PDE3A: variants seen among roughly 807,000 people sequenced by gnomAD.
PDE3A encodes cGMP-inhibited 3',5'-cyclic phosphodiesterase 3A.
In PDE3A, 43 loss-of-function variants were observed where a neutral mutation model predicts 98.3. The observed-to-expected ratio is 0.44, with a 90% CI of 0.34 to 0.56. PDE3A has a LOEUF of 0.56. Ranked by LOEUF, PDE3A falls within the 20% of genes least tolerant of loss-of-function variation. The pLI, the probability that PDE3A is intolerant of heterozygous loss-of-function variation, is 0.01. For missense variants in PDE3A, 1,427 were observed against 1,440.7 expected (o/e 0.99, Z 0.15); for synonymous variants, 663 against 567.9 (o/e 1.17, Z -2.38).
At chr12:20,560,159 G>A (rs1056337918) in intron 2 of PDE3A, among the ~76,000 whole-genome samples, 22 of 152,152 alleles carry the variant, frequency 1.4e-4, no homozygotes, top group African/African-American at 4.8e-4. Context: ...CATACTCGAG[G>A]CCTGATTAGA....
At chr12:20,370,288 C>T in intron 1 of PDE3A, 44 bp downstream of exon 1, 2 of 1,478,390 alleles carry the variant, frequency 1.4e-6, no homozygotes, top group Non-Finnish European at 1.8e-6. Flanking sequence ...AAACTTGAAA[C>T]ACTTGGCAAC....
intron 15 of PDE3A, among the ~76,000 whole-genome samples, chr12:20,668,619 C>A (rs1945386924): frequency 6.6e-6 from 1 of 152,246 alleles, no homozygotes; most frequent in Admixed American, 6.5e-5. Flanking sequence ...GGTACTCCAA[C>A]AGACCTGCAG....
chr12:20,383,012 T>C (rs912654652), intron 1 of PDE3A, among the ~76,000 whole-genome samples: 1 of 151,900 alleles, frequency 6.6e-6, no homozygotes, highest in African/African-American at 2.4e-5. Context: ...AAATGAGGCA[T>C]CCTAGGAGCC....
intron 1 of PDE3A, among the ~76,000 whole-genome samples, chr12:20,474,888 T>C (rs1362119138): frequency 2.0e-5 from 3 of 152,180 alleles, no homozygotes; most frequent in African/African-American, 7.2e-5. Context: ...AAAATAACTT[T>C]GACAGGTTCA....
chr12:20,513,656 T>A (rs557200889), intron 1 of PDE3A, among the ~76,000 whole-genome samples: 20 of 152,326 alleles, frequency 1.3e-4, no homozygotes, highest in African/African-American at 4.6e-4. Context: ...CAGATTTTTT[T>A]ATGACCTTTT....
chr12:20,369,234 C>T lies in PDE3A; in HGVS notation c.-51C>T. On this transcript the variant is annotated 5_prime_UTR_variant, in exon 1 of 16. Transcript: ENST00000359062. ...GTGCGCGCGCGCGCGTGGGTCGGGG[C>T]GGGGGCGTCGGGGGGCCACTGGGAA... 1.5e-6 allele frequency: 2 copies of T among 1,308,792 alleles called. No homozygotes were observed. The highest frequency in any genetic ancestry group is 2.1e-6 in the Non-Finnish European group (2 of 971,184). 81.1% of individuals were successfully genotyped at this position (1,308,792 alleles called of 1,614,324 possible).
intron 1 of PDE3A, among the ~76,000 whole-genome samples, chr12:20,554,826 GT>G (rs1942325533): frequency 6.6e-6 from 1 of 151,764 alleles, no homozygotes. Flanking sequence ...TTTTTCATTA[GT>G]TGAATAATTC....
At chr12:20,405,883 C>T (rs1282277469) in intron 1 of PDE3A, among the ~76,000 whole-genome samples, 2 of 152,116 alleles carry the variant, frequency 1.3e-5, no homozygotes, top group African/African-American at 4.8e-5. Flanking sequence ...CCAACATCTC[C>T]CTATTCCCTC....
At position 20,687,916 on chromosome 12, in the gene PDE3A, A is replaced by AAAAAAAAAAAAAAAAC. The variant is rs1380255072; in HGVS notation, c.*7660_*7661insCAAAAAAAAAAAAAAA. Among the ~76,000 whole-genome samples the AAAAAAAAAAAAAAAAC allele has an allele frequency of 1.1e-5, 1 of 91,810 alleles. No homozygotes were observed. The highest frequency in any genetic ancestry group is 4.0e-5 in the African/African-American group (1 of 25,316). The allele number at this position is 91,810 out of a possible 152,430, so 60.2% of individuals were successfully genotyped here. A position where few individuals can be genotyped will look rare whatever the true frequency, so the allele number is the denominator to read the frequency against. ...CCAGTCATTACCTCTTCCCAACAGA[A>AAAAAAAAAAAAAAAAC]AAAAAAAAAAAAAAAAAAAAACTGG... On this transcript the variant is annotated 3_prime_UTR_variant, in exon 16 of 16. Transcript: ENST00000359062.
intron 1 of PDE3A, among the ~76,000 whole-genome samples, chr12:20,400,477 G>A (rs945073097): frequency 7.2e-6 from 1 of 138,598 alleles, no homozygotes. Flanking sequence ...CGCTATCACG[G>A]CTCACTGCAA....
chr12:20,648,963 TCGCCCAGA>T, intron 13 of PDE3A, 72 bp downstream of exon 13: 1 of 965,116 alleles, frequency 1.0e-6, no homozygotes, highest in Non-Finnish European at 1.5e-6. Flanking sequence ...TCTTGCTCTG[TCGCCCAGA>T]CTGGAGTGCA....
intron 1 of PDE3A, among the ~76,000 whole-genome samples, chr12:20,435,641 G>C (rs10841523): frequency 2.6e-5 from 4 of 152,036 alleles, no homozygotes; most frequent in African/African-American, 9.6e-5. Context: ...GAGGCCATGC[G>C]TAAGTCGCTT....
intron 1 of PDE3A, among the ~76,000 whole-genome samples, chr12:20,471,361 G>T (rs1207855381): frequency 1.3e-5 from 2 of 152,100 alleles, no homozygotes; most frequent in Non-Finnish European, 2.9e-5. Context: ...ATTAAATCCG[G>T]GGTAAGGTCA....
At chr12:20,634,809 A>G (rs1336572790) in intron 7 of PDE3A, 93 bp from the exon 8 acceptor site, 28 of 818,262 alleles carry the variant, frequency 3.4e-5, no homozygotes, top group Non-Finnish European at 5.3e-5. Flanking sequence ...CCTAAACACT[A>G]TATTTACCAT....
At chr12:20,666,494 C>A (rs928274647) in intron 15 of PDE3A, among the ~76,000 whole-genome samples, 1 of 152,024 alleles carries the variant, frequency 6.6e-6, no homozygotes, top group Non-Finnish European at 1.5e-5. Context: ...ATGAGATCAA[C>A]TTTTCTAGCT....
Position 20,504,076 on chromosome 12 carries a change from C to T in PDE3A, c.961-52584C>T, listed in dbSNP as rs142978775. Among the ~76,000 whole-genome samples, 398 of 152,172 alleles carry T rather than the reference C, an allele frequency of 2.6e-3. 2 individuals carry two copies. The highest frequency in any genetic ancestry group is 8.5e-3 in the African/African-American group (354 of 41,538). On this transcript the variant is annotated intron_variant, in intron 1 of 15. Coordinates refer to ENST00000359062, the MANE Select transcript of PDE3A (RefSeq NM_000921.5). The stretch of plus-strand genomic sequence containing the variant: ...TCAGCAAAAGTAGTACTAGTTAGAT[C>T]TGGGAAAGTGGATGTTAAACTTTAT...
rs1239846121 is a variant in PDE3A at position 20,560,230 on chromosome 12, A to G, written c.1011+3520A>G. Among the ~76,000 whole-genome samples the G allele has an allele frequency of 2.6e-5, 4 of 152,336 alleles. No homozygotes were observed. In the East Asian group the frequency reaches 7.7e-4, roughly 29 times the overall value. ...GGAGATAATTGAGCTCCTCCAGTAG[A>G]TAGGCTTCCAGAAAAATATTAAAAG... On this transcript the variant is annotated intron_variant, in intron 2 of 15. Transcript: ENST00000359062.
chr12:20,373,916 A>C (rs369172911), intron 1 of PDE3A, among the ~76,000 whole-genome samples: 1 of 152,136 alleles, frequency 6.6e-6, no homozygotes, highest in African/African-American at 2.4e-5. Context: ...TTGACAAAAA[A>C]CTTGCTTATT....
In PDE3A at chr12:20,370,204, C is replaced by T. The variant is rs1943440759; in HGVS notation, c.920C>T (p.Ser307Phe). Residue 307 changes from serine (S) to phenylalanine (F), a missense_variant, in exon 1 of 16, where the codon TCC (serine) becomes TTC (phenylalanine). Ser to Phe is a radical substitution (Grantham distance 155). Coordinates refer to ENST00000359062, the MANE Select transcript of PDE3A (RefSeq NM_000921.5). Reference sequence around the variant, plus strand: ...GAGATGTCCGGCTGCAGCAGCAAGTCCCATCGGAGGACCTCCCTGCCCTGT... The same window carrying T: ...GAGATGTCCGGCTGCAGCAGCAAGTTCCATCGGAGGACCTCCCTGCCCTGT... ...SAEMSGCSSK[S>F]HRRTSLPCIP... is the part of the protein sequence containing the mutation. 3.1e-6 allele frequency: 5 copies of T among 1,605,264 alleles called. No homozygotes were observed. The highest frequency in any genetic ancestry group is 1.3e-5 in the African/African-American group (1 of 74,760).
Sources: gnomAD v4.1 joint callset for allele counts (sites outside exome capture counted in the v4.1 genomes callset) on GRCh38, gnomAD v4.1.1 for gene constraint, MANE v1.5 for transcripts, NCBI Gene and HGNC (gene_info 2026-07-23, HGNC 2026-07-21) for gene names.